GRIN3A: variants seen among roughly 807,000 people sequenced by gnomAD.
GRIN3A encodes the protein glutamate ionotropic receptor NMDA type subunit 3A, also known as glutamate receptor ionotropic, NMDA 3A.
GRIN3A carries 47 observed loss-of-function variants against 92.4 expected under a neutral mutation model. That is an observed-to-expected ratio of 0.51 (90% CI 0.40 to 0.65). The LOEUF (loss-of-function observed/expected upper bound fraction) is 0.65. Ranked by LOEUF, GRIN3A falls within the 30% of genes least tolerant of loss-of-function variation. The pLI, the probability that GRIN3A is intolerant of heterozygous loss-of-function variation, is 0.00. For synonymous variants in GRIN3A, 527 were observed against 540.6 expected, an observed-to-expected ratio of 0.97 and a Z score of 0.35; for missense variants, 1,324 against 1,393.1, an observed-to-expected ratio of 0.95 and a Z score of 0.79.
At chr9:101,594,959 G>C (rs752167604) in intron 6 of GRIN3A, 31 of 1,580,290 alleles carry the variant, frequency 2.0e-5, no homozygotes, top group Non-Finnish European at 2.6e-5. Context: ...CAAAGGGTCG[G>C]AGAGGGGAGC....
intron 3 of GRIN3A, among the ~76,000 whole-genome samples, chr9:101,643,907 C>T (rs948390144): frequency 5.3e-5 from 8 of 151,380 alleles, no homozygotes; most frequent in East Asian, 3.9e-4. Context: ...GAGAGGATGG[C>T]GGGATATTCA....
chr9:101,670,142 A>C lies in GRIN3A; in HGVS notation c.2270T>G (p.Leu757Arg), dbSNP rs1829297333. The change falls in exon 3 of 9, where the codon CTT (leucine) becomes CGT (arginine). Residue 757 changes from leucine to arginine, a missense_variant. Transcript: ENST00000361820. ...AGCCAAGTTTGCCGTGTATGTGGAA[A>C]GGCAAAACATACAGAAAATGGCCCA... ...NLWAIFCMFC[L>R]STYTANLAAV... The C allele has an allele frequency of 6.8e-6, 11 of 1,613,670 alleles. No homozygotes were observed. Among genetic ancestry groups the C allele is most frequent in the Non-Finnish European group, 8.5e-7 (1 of 1,179,758 alleles).
At chr9:101,582,173 G>A (rs370237684) in intron 6 of GRIN3A, among the ~76,000 whole-genome samples, 37 of 152,296 alleles carry the variant, frequency 2.4e-4, no homozygotes, top group African/African-American at 8.7e-4. Flanking sequence ...CTATTCTGGA[G>A]AAACAGCCGG....
At chr9:101,589,758 T>G (rs1827998699) in intron 6 of GRIN3A, among the ~76,000 whole-genome samples, 3 of 152,296 alleles carry the variant, frequency 2.0e-5, no homozygotes, top group Middle Eastern at 3.4e-3. Context: ...TTGTACATTT[T>G]TCTACTGTTT....
At chr9:101,612,248 C>G (rs1440773101) in intron 6 of GRIN3A, among the ~76,000 whole-genome samples, 1 of 152,070 alleles carries the variant, frequency 6.6e-6, no homozygotes, top group Non-Finnish European at 1.5e-5. Context: ...ATATTCGAGG[C>G]ATATTTTATA....
intron 6 of GRIN3A, among the ~76,000 whole-genome samples, chr9:101,610,612 T>TCTAA (rs1273630510): frequency 1.4e-5 from 2 of 143,026 alleles, no homozygotes; most frequent in African/African-American, 2.5e-5. Flanking sequence ...TATCTATCTA[T>TCTAA]CTATCTATCT....
intron 1 of GRIN3A, among the ~76,000 whole-genome samples, chr9:101,701,164 A>C (rs890478577): frequency 1.3e-5 from 2 of 152,218 alleles, no homozygotes; most frequent in African/African-American, 4.8e-5. Flanking sequence ...CTATGAATCT[A>C]AGTGAGGTGG....
Position 101,628,395 on chromosome 9 carries a change from G to A in GRIN3A, c.2359C>T (p.His787Tyr), listed in dbSNP as rs1828665202. ...CCAAAGCGGAATCCTTGGGAAGGAT[G>A]ATGTAACTATGAGGGAGAAAAAGAA... ...LSGIHDPKLH[H>Y]PSQGFRFGTV... The change falls in exon 4 of 9, where the codon CAT (histidine) becomes TAT (tyrosine). Residue 787 changes from histidine (H) to tyrosine (Y), a missense_variant. Coordinates refer to ENST00000361820, the MANE Select transcript of GRIN3A (RefSeq NM_133445.3). The A allele has an allele frequency of 1.9e-6, 3 of 1,613,566 alleles. No homozygotes were observed. Among genetic ancestry groups the A allele is most frequent in the Non-Finnish European group, 2.5e-6 (3 of 1,179,606 alleles).
chr9:101,602,041 G>T (rs1372918243), intron 6 of GRIN3A, among the ~76,000 whole-genome samples: 2 of 152,152 alleles, frequency 1.3e-5, no homozygotes, highest in Admixed American at 6.5e-5. Context: ...AGATGTGCGT[G>T]CATTGGCTTC....
chr9:101,597,545 G>A (rs906490221), intron 6 of GRIN3A, among the ~76,000 whole-genome samples: 17 of 152,248 alleles, frequency 1.1e-4, no homozygotes, highest in African/African-American at 2.4e-4. Context: ...ATTCATTAGT[G>A]CCAGGTCCAT....
chr9:101,579,456 T>C, intron 6 of GRIN3A, 96 bp from the exon 7 acceptor site: 1 of 1,227,254 alleles, frequency 8.1e-7, no homozygotes, highest in Non-Finnish European at 1.2e-6. Flanking sequence ...ATTCATTTTT[T>C]CTGGACTCAA....
intron 5 of GRIN3A, among the ~76,000 whole-genome samples, chr9:101,615,337 A>G (rs566542588): frequency 1.3e-5 from 2 of 150,640 alleles, no homozygotes; most frequent in South Asian, 2.1e-4. Context: ...AATACCTCCT[A>G]TAATTATTCT....
At chr9:101,665,602 G>C (rs1402368931) in intron 3 of GRIN3A, among the ~76,000 whole-genome samples, 1 of 151,920 alleles carries the variant, frequency 6.6e-6, no homozygotes, top group Non-Finnish European at 1.5e-5. Context: ...AGAATCTTTA[G>C]AGTGTGGCCA....
intron 5 of GRIN3A, among the ~76,000 whole-genome samples, chr9:101,618,762 G>A (rs527645024): frequency 6.6e-6 from 1 of 152,102 alleles, no homozygotes; most frequent in African/African-American, 2.4e-5. Flanking sequence ...AAACCTTGAG[G>A]GTTTTATTTC....
At position 101,686,933 on chromosome 9, in the gene GRIN3A, G is replaced by C. The variant is rs1164605519; in HGVS notation, c.967C>G (p.Pro323Ala). 1 of 1,614,190 alleles carries C rather than the reference G, an allele frequency of 6.2e-7. No individual in the cohort carries two copies. Among genetic ancestry groups the C allele is most frequent in the South Asian group, 1.1e-5 (1 of 91,082 alleles). Residue 323 changes from proline (P) to alanine (A), a missense_variant, in exon 2 of 9, where the codon CCC becomes GCC. Physicochemically the swap from Pro to Ala is conservative, Grantham distance 27 (BLOSUM62 -1). Coordinates refer to ENST00000361820, the MANE Select transcript of GRIN3A (RefSeq NM_133445.3). Reference protein sequence around the residue: ...IQLESIKNSTPTVVMFGCDME... With the variant: ...IQLESIKNSTATVVMFGCDME... The stretch of plus-strand genomic sequence containing the variant: ...TCGCAGCCAAACATCACCACTGTGG[G>C]TGTGCTGTTCTTAATACTCTCAAGC...
In GRIN3A at chr9:101,721,194, A is replaced by G. The variant is rs184732620; in HGVS notation, c.699+16087T>C. On this transcript the variant is annotated intron_variant, in intron 1 of 8. Coordinates refer to ENST00000361820, the MANE Select transcript of GRIN3A (RefSeq NM_133445.3). ...TTGAATCATGGGGGCCAGTTTTCCCATTCTATTCTAGTGATAGTGAATGAG... is the reference window on the plus strand; with the variant it reads ...TTGAATCATGGGGGCCAGTTTTCCCGTTCTATTCTAGTGATAGTGAATGAG... 1.8e-3 allele frequency among the ~76,000 whole-genome samples: 272 copies of G among 152,278 alleles called. 2 individuals are homozygous for G. The highest frequency in any genetic ancestry group is 4.4e-3 in the South Asian group (21 of 4,820).
At chr9:101,598,397 A>G (rs969192903) in intron 6 of GRIN3A, among the ~76,000 whole-genome samples, 2 of 152,156 alleles carry the variant, frequency 1.3e-5, no homozygotes, top group Non-Finnish European at 2.9e-5. Context: ...TTATTATCCC[A>G]ATTGAATTAA....
intron 5 of GRIN3A, among the ~76,000 whole-genome samples, chr9:101,614,006 C>A (rs2118848781): frequency 6.6e-6 from 1 of 151,942 alleles, no homozygotes; most frequent in Admixed American, 6.5e-5. Flanking sequence ...TATAATAAAA[C>A]CATGTGAATA....
intron 1 of GRIN3A, among the ~76,000 whole-genome samples, chr9:101,701,103 G>T (rs1829746777): frequency 6.6e-6 from 1 of 152,122 alleles, no homozygotes; most frequent in Admixed American, 6.5e-5. Context: ...GCCACTAAGG[G>T]TATATGTTGG....
Sources: gnomAD v4.1 joint callset for allele counts (sites outside exome capture counted in the v4.1 genomes callset) on GRCh38, gnomAD v4.1.1 for gene constraint, MANE v1.5 for transcripts, NCBI Gene and HGNC (gene_info 2026-07-23, HGNC 2026-07-21) for gene names.